The following PHLPP1 variants were observed in gnomAD, a reference collection of about 807,000 sequenced individuals.
PHLPP1 encodes the protein PH domain and leucine rich repeat protein phosphatase 1.
Under a neutral mutation model 117.2 loss-of-function variants are expected in PHLPP1, and 42 were observed. The ratio of observed to expected loss-of-function variants is 0.36; its 90% CI spans 0.28 to 0.46. PHLPP1 has a LOEUF of 0.46. Ranked by LOEUF, PHLPP1 falls within the 20% of genes least tolerant of loss-of-function variation. The probability of loss-of-function intolerance (pLI) is 1.00; values close to 1 mark genes in which losing one functional copy is unlikely to be tolerated. For synonymous variants in PHLPP1, 1,042 were observed against 970.7 expected (o/e 1.07, Z -1.37); for missense variants, 2,084 against 2,241.9 (o/e 0.93, Z 1.42).
chr18:62,889,753 G>A (rs747022359), intron 4 of PHLPP1: 1 of 152,218 alleles, frequency 6.6e-6, no homozygotes, highest in Non-Finnish European at 1.5e-5. Flanking sequence ...TCTTAGTATG[G>A]AGAAGGCACT....
At position 62,902,950 on chromosome 18, in the gene PHLPP1, C is replaced by A. The variant is rs778972239; in HGVS notation, c.2445-14C>A. 18 of 1,569,292 alleles carry A rather than the reference C, an allele frequency of 1.1e-5. No homozygotes were observed. The highest frequency in any genetic ancestry group is 1.5e-5 in the Non-Finnish European group (17 of 1,144,910). On this transcript the variant is annotated splice_polypyrimidine_tract_variant and intron_variant, in intron 6 of 16. Coordinates refer to ENST00000262719, the MANE Select transcript of PHLPP1 (RefSeq NM_194449.4). ...TTGCAGTTAATTATAGTCTCTATGT[C>A]CTTTGCCCTCAAGGTTGAACGTAAT...
chr18:62,948,743 C>T (rs1873699282), intron 12 of PHLPP1, among the ~76,000 whole-genome samples: 1 of 151,488 alleles, frequency 6.6e-6, no homozygotes. Context: ...CCTTTATGTA[C>T]AAACATGTAA....
At chr18:62,750,958 G>A (rs184376490) in intron 1 of PHLPP1, among the ~76,000 whole-genome samples, 1 of 152,172 alleles carries the variant, frequency 6.6e-6, no homozygotes, top group Non-Finnish European at 1.5e-5. Flanking sequence ...GTCTGTTCAC[G>A]TTAAATACTG....
Position 62,716,759 on chromosome 18 carries a change from T to C in PHLPP1, c.1076T>C (p.Val359Ala), listed in dbSNP as rs1418855514. Residue 359 changes from valine to alanine, a missense_variant, in exon 1 of 17, where the codon GTG (valine) becomes GCG (alanine). By Grantham distance (64) the Val-to-Ala change is moderately conservative (BLOSUM62 0). Transcript: ENST00000262719. The surrounding 1 kb of genome is among the most constrained non-coding windows in gnomAD (Gnocchi z 5.7). The stretch of plus-strand genomic sequence containing the variant: ...AGTCTGAGTCCCAGCGCCGAGAGCG[T>C]GTCTGACCGGTTGGACCCCTACAGC... ...SFSLSPSAES[V>A]SDRLDPYSSG... 7.2e-6 allele frequency: 11 copies of C among 1,521,418 alleles called. No individual in the cohort carries two copies. The highest frequency in any genetic ancestry group is 3.4e-4 in the Middle Eastern group (2 of 5,938). 94.2% of individuals were successfully genotyped at this position (1,521,418 alleles called of 1,614,324 possible).
chr18:62,884,739 AT>A (rs1207581206), intron 4 of PHLPP1, among the ~76,000 whole-genome samples: 1 of 152,344 alleles, frequency 6.6e-6, no homozygotes, highest in East Asian at 1.9e-4. Flanking sequence ...TAATTGACCC[AT>A]TTGTGGTGAA....
chr18:62,975,568 C>T lies in PHLPP1; in HGVS notation c.3927C>T (p.Ile1309=). The change falls in exon 16 of 17, where the codon ATC becomes ATT. Residue 1309 remains isoleucine (I), a synonymous_variant. Coordinates refer to ENST00000262719, the MANE Select transcript of PHLPP1 (RefSeq NM_194449.4). ...GKPLPLSRSY[I]MSCEEELKRI... is the part of the protein sequence containing the mutation. ...CGCTGCCTCTGTCCAGATCTTACAT[C>T]ATGAGCTGTGAAGAAGAGCTGAAGA... 3 of 1,613,962 alleles carry T rather than the reference C, an allele frequency of 1.9e-6. No homozygotes were observed. The highest frequency in any genetic ancestry group is 2.5e-6 in the Non-Finnish European group (3 of 1,179,840).
intron 1 of PHLPP1, among the ~76,000 whole-genome samples, chr18:62,825,748 C>G (rs1278484938): frequency 3.3e-5 from 5 of 152,026 alleles, no homozygotes; most frequent in Admixed American, 3.3e-4. Context: ...GCCACTGCAC[C>G]TGGCCCAGAT....
At chr18:62,864,867 C>A (rs1435004508) in intron 4 of PHLPP1, among the ~76,000 whole-genome samples, 3 of 152,276 alleles carry the variant, frequency 2.0e-5, no homozygotes, top group East Asian at 1.9e-4. Flanking sequence ...CAGGAAAAAA[C>A]CTCAAAAACA....
rs1168861892 is a variant in PHLPP1, at chr18:62,766,060, CAAA to C, written c.1576+48816_1576+48818del. 6.2e-3 allele frequency among the ~76,000 whole-genome samples: 94 copies of C among 15,208 alleles called. 2 individuals carry two copies. The highest frequency in any genetic ancestry group is 0.038 in the Middle Eastern group (1 of 26). 10.0% of individuals were successfully genotyped at this position (15,208 alleles called of 152,430 possible). On this transcript the variant is annotated intron_variant, in intron 1 of 16. Coordinates refer to ENST00000262719, the MANE Select transcript of PHLPP1 (RefSeq NM_194449.4). ...TGGGCGACAGAGCTAGACTCCATCT[CAAA>C]AAAAAAAAAAAAAATATATATATAT...
At position 62,978,576 on chromosome 18, in the gene PHLPP1, G is replaced by A. The variant is rs118146731; in HGVS notation, c.4299G>A (p.Glu1433=). 12 of 1,613,382 alleles carry A rather than the reference G, an allele frequency of 7.4e-6. No homozygotes were observed. Among genetic ancestry groups the A allele is most frequent in the Non-Finnish European group, 1.0e-5 (12 of 1,179,602 alleles). ...SVTEDSFCCC[E]LSAGGAVPPP... ...CTGAGGACAGCTTCTGCTGCTGCGA[G>A]CTCAGCGCCGGTGGGGCTGTGCCAC... The change falls in exon 17 of 17, where the codon GAG becomes GAA. Residue 1433 remains glutamate (E), a synonymous_variant. Transcript: ENST00000262719. This position sits in a 1 kb window ranked among gnomAD's most constrained non-coding sequence, Gnocchi z 7.0.
chr18:62,776,937 A>G (rs895645109), intron 1 of PHLPP1, among the ~76,000 whole-genome samples: 1 of 152,218 alleles, frequency 6.6e-6, no homozygotes, highest in Non-Finnish European at 1.5e-5. Context: ...GTATGAATAC[A>G]TGACAGTTTG....
At chr18:62,894,165 T>G (rs1406709038) in intron 4 of PHLPP1, among the ~76,000 whole-genome samples, 1 of 152,204 alleles carries the variant, frequency 6.6e-6, no homozygotes, top group East Asian at 1.9e-4. Context: ...GTCAGCAGCA[T>G]CAATCAAGTA....
At chr18:62,878,597 C>T (rs1916101787) in intron 4 of PHLPP1, among the ~76,000 whole-genome samples, 1 of 152,086 alleles carries the variant, frequency 6.6e-6, no homozygotes, top group Admixed American at 6.5e-5. Context: ...ATGATGACAC[C>T]AGAACTGGCA....
At chr18:62,903,353 T>G (rs1916771868) in intron 7 of PHLPP1, among the ~76,000 whole-genome samples, 187 bp downstream of exon 7, 1 of 152,210 alleles carries the variant, frequency 6.6e-6, no homozygotes, top group African/African-American at 2.4e-5. Context: ...AAAATTTTAT[T>G]GTCCCTAATT....
chr18:62,930,478 A>G (rs1909775722), intron 10 of PHLPP1, among the ~76,000 whole-genome samples: 1 of 152,060 alleles, frequency 6.6e-6, no homozygotes, highest in Non-Finnish European at 1.5e-5. Flanking sequence ...AAAAAATTGC[A>G]TTATATAATA....
intron 14 of PHLPP1, among the ~76,000 whole-genome samples, chr18:62,965,091 A>C (rs901335221): frequency 5.9e-5 from 9 of 152,204 alleles, no homozygotes; most frequent in African/African-American, 1.9e-4. Context: ...AATACAAGAA[A>C]TAGAAAATGG....
chr18:62,890,688 G>A lies in PHLPP1; in HGVS notation c.2067-4323G>A, dbSNP rs912647191. Among the ~76,000 whole-genome samples, 7 of 152,116 alleles carry A rather than the reference G, an allele frequency of 4.6e-5. No individual in the cohort carries two copies. In the East Asian group the frequency reaches 7.7e-4, roughly 17 times the overall value. ...TTGCACAAATGAATTAAACACCACCGCCCCGCCACATTATTGACCTATACT... is the reference window on the plus strand; with the variant it reads ...TTGCACAAATGAATTAAACACCACCACCCCGCCACATTATTGACCTATACT... On this transcript the variant is annotated intron_variant, in intron 4 of 16. Transcript: ENST00000262719.
intron 1 of PHLPP1, among the ~76,000 whole-genome samples, chr18:62,784,836 A>G (rs1411035770): frequency 6.6e-6 from 1 of 152,212 alleles, no homozygotes; most frequent in Non-Finnish European, 1.5e-5. Flanking sequence ...TAGTTGCCGT[A>G]ATTGAGAAAT....
chr18:62,825,996 A>AT (rs1483744103), intron 1 of PHLPP1, among the ~76,000 whole-genome samples: 1 of 152,242 alleles, frequency 6.6e-6, no homozygotes, highest in Non-Finnish European at 1.5e-5. Context: ...GGAGAAATTA[A>AT]TTTTAAACCA....
Sources: allele counts gnomAD v4.1 joint callset (sites outside exome capture counted in the v4.1 genomes callset), GRCh38; gene constraint gnomAD v4.1.1; non-coding constraint Gnocchi (gnomAD v3.1); transcripts MANE v1.5; gene names NCBI Gene and HGNC (gene_info 2026-07-23, HGNC 2026-07-21).